Variants in HHAT observed in about 807,000 individuals in gnomAD.
The protein encoded by HHAT is hedgehog acyltransferase.
In HHAT, 47 loss-of-function variants were observed where a neutral mutation model predicts 70.8. That is an observed-to-expected ratio of 0.66 (90% CI 0.53 to 0.85). The LOEUF (loss-of-function observed/expected upper bound fraction) is 0.85, where lower values mean the gene tolerates loss of function less well. Ranked by LOEUF, HHAT falls within the 40% of genes least tolerant of loss-of-function variation. The probability of loss-of-function intolerance (pLI) is 0.00; values close to 1 mark genes in which losing one functional copy is unlikely to be tolerated. For missense variants in HHAT, 609 were observed against 604.8 expected (o/e 1.01, Z -0.07); for synonymous variants, 228 against 247.6 (o/e 0.92, Z 0.74).
chr1:210,619,740 T>G (rs957254545), intron 10 of HHAT, among the ~76,000 whole-genome samples: 5 of 105,910 alleles, frequency 4.7e-5, no homozygotes, highest in Non-Finnish European at 8.0e-5. Flanking sequence ...AAACATCTCC[T>G]GGGGGATAGT....
At position 210,511,293 on chromosome 1, in the gene HHAT, C is replaced by A. The variant is rs145135120; in HGVS notation, c.1008-1860C>A. ...AGTGGAATTTATATATCTCGAATCCCGTTTTTCCTGAATTATGTAATTATT... is the reference window on the plus strand; with the variant it reads ...AGTGGAATTTATATATCTCGAATCCAGTTTTTCCTGAATTATGTAATTATT... On this transcript the variant is annotated intron_variant, in intron 8 of 11. Coordinates refer to ENST00000261458, the MANE Select transcript of HHAT (RefSeq NM_018194.6). Among the ~76,000 whole-genome samples the A allele has an allele frequency of 3.6e-4, 55 of 152,166 alleles. 1 individual carries two copies. Among genetic ancestry groups the A allele is most frequent in the Non-Finnish European group, 7.2e-4 (49 of 68,016 alleles).
chr1:210,616,548 A>G (rs1044896785), intron 10 of HHAT, among the ~76,000 whole-genome samples: 6 of 152,160 alleles, frequency 3.9e-5, no homozygotes, highest in African/African-American at 9.7e-5. Flanking sequence ...GTATCTGCCA[A>G]CCATTGTTAG....
intron 7 of HHAT, among the ~76,000 whole-genome samples, chr1:210,432,482 T>C (rs963191226): frequency 5.9e-5 from 9 of 151,964 alleles, no homozygotes; most frequent in African/African-American, 2.2e-4. Flanking sequence ...AGGTCATAAT[T>C]GACTTTGGTC....
At chr1:210,363,201 T>G (rs1231907304) in intron 3 of HHAT, among the ~76,000 whole-genome samples, 3 of 152,196 alleles carry the variant, frequency 2.0e-5, no homozygotes, top group Non-Finnish European at 4.4e-5. Context: ...CTACTTGACC[T>G]AGCCAGATCC....
At chr1:210,396,108 G>A (rs926864754) in intron 4 of HHAT, among the ~76,000 whole-genome samples, 4 of 152,166 alleles carry the variant, frequency 2.6e-5, no homozygotes, top group Non-Finnish European at 5.9e-5. Context: ...CATCAAAAAG[G>A]CCATAGCGTT....
chr1:210,569,852 A>G (rs1018397805), intron 9 of HHAT, among the ~76,000 whole-genome samples: 1 of 151,776 alleles, frequency 6.6e-6, no homozygotes, highest in Non-Finnish European at 1.5e-5. Context: ...GTTTTTTTTT[A>G]ACTGTACCTT....
chr1:210,363,729 T>C (rs1283680284), intron 3 of HHAT, among the ~76,000 whole-genome samples: 1 of 152,196 alleles, frequency 6.6e-6, no homozygotes, highest in Non-Finnish European at 1.5e-5. Context: ...TTTCTAAGTA[T>C]TTTTATATGT....
intron 3 of HHAT, among the ~76,000 whole-genome samples, chr1:210,373,000 AG>A (rs1392970928): frequency 2.6e-5 from 4 of 152,192 alleles, no homozygotes; most frequent in Non-Finnish European, 5.9e-5. Context: ...GTAAACTTTC[AG>A]GTGCAGCTTT....
intron 11 of HHAT, among the ~76,000 whole-genome samples, chr1:210,639,525 AG>A (rs1376565575): frequency 2.0e-5 from 3 of 152,234 alleles, no homozygotes; most frequent in African/African-American, 7.2e-5. Context: ...CTGAAATGGC[AG>A]GAACATCCAG....
In HHAT at chr1:210,674,410, T is replaced by C; in HGVS notation, c.*31T>C. The C allele has an allele frequency of 6.3e-7, 1 of 1,577,092 alleles. No homozygotes were observed. The highest frequency in any genetic ancestry group is 8.7e-7 in the Non-Finnish European group (1 of 1,147,038). ...TTGGGCCCAGGCCAGTCCTTGTTGCTGGCCTCCAAGGCAAATAGTGCTTCA... is the reference window on the plus strand; with the variant it reads ...TTGGGCCCAGGCCAGTCCTTGTTGCCGGCCTCCAAGGCAAATAGTGCTTCA... On this transcript the variant is annotated 3_prime_UTR_variant, in exon 12 of 12. Transcript: ENST00000261458.
At chr1:210,483,802 A>T (rs976671458) in intron 8 of HHAT, among the ~76,000 whole-genome samples, 3 of 152,162 alleles carry the variant, frequency 2.0e-5, no homozygotes, top group African/African-American at 7.2e-5. Flanking sequence ...TGGAAAGGAG[A>T]TTAAAGACCC....
At chr1:210,620,685 A>ATC (rs1247142252) in intron 10 of HHAT, among the ~76,000 whole-genome samples, 2 of 152,322 alleles carry the variant, frequency 1.3e-5, no homozygotes, top group East Asian at 3.9e-4. Context: ...GCCTATGGGC[A>ATC]TCTTGATTTC....
chr1:210,616,285 A>G (rs1167342875), intron 10 of HHAT, among the ~76,000 whole-genome samples: 2 of 152,154 alleles, frequency 1.3e-5, no homozygotes, highest in African/African-American at 2.4e-5. Context: ...ACTTCAACTT[A>G]TTCCTCCTAT....
intron 9 of HHAT, among the ~76,000 whole-genome samples, chr1:210,525,670 A>G (rs982598272): frequency 6.6e-6 from 1 of 152,240 alleles, no homozygotes; most frequent in Non-Finnish European, 1.5e-5. Flanking sequence ...ATACTTGAGA[A>G]TTGAGATGCA....
At chr1:210,667,635 A>G (rs1354088712) in intron 11 of HHAT, among the ~76,000 whole-genome samples, 1 of 152,178 alleles carries the variant, frequency 6.6e-6, no homozygotes, top group Non-Finnish European at 1.5e-5. Context: ...AATCAGTCTC[A>G]CAATCAAGAT....
intron 8 of HHAT, among the ~76,000 whole-genome samples, chr1:210,488,587 T>G (rs995899377): frequency 7.2e-5 from 11 of 152,210 alleles, no homozygotes; most frequent in African/African-American, 2.7e-4. Flanking sequence ...GATGAATGAA[T>G]GAATGAAATA....
intron 9 of HHAT, among the ~76,000 whole-genome samples, chr1:210,557,982 C>T (rs17016429): frequency 0.061 from 9,245 of 152,186 alleles, 858 homozygotes; most frequent in African/African-American, 0.2. Context: ...GCATTCTTCC[C>T]GCTTGGCCTT....
chr1:210,540,046 C>A (rs1293962010), intron 9 of HHAT, among the ~76,000 whole-genome samples: 1 of 152,176 alleles, frequency 6.6e-6, no homozygotes, highest in Non-Finnish European at 1.5e-5. Context: ...TCTCAGTAGG[C>A]TTAATACCTA....
At chr1:210,450,827 G>T (rs2093739429) in intron 7 of HHAT, among the ~76,000 whole-genome samples, 1 of 151,964 alleles carries the variant, frequency 6.6e-6, no homozygotes, top group African/African-American at 2.4e-5. Context: ...TATGGGATAG[G>T]GTGGTGTTAA....
Sources: gnomAD v4.1 joint callset for allele counts (sites outside exome capture counted in the v4.1 genomes callset) on GRCh38, gnomAD v4.1.1 for gene constraint, MANE v1.5 for transcripts, NCBI Gene and HGNC (gene_info 2026-07-23, HGNC 2026-07-21) for gene names.